The following SGCZ variants were observed in gnomAD, a reference collection of about 807,000 sequenced individuals.
SGCZ encodes sarcoglycan zeta.
Under a neutral mutation model 41.3 loss-of-function variants are expected in SGCZ, and 40 were observed. The observed-to-expected ratio is 0.97, with a 90% confidence interval of 0.75 to 1.26. The LOEUF (loss-of-function observed/expected upper bound fraction) is 1.26. Ranked by LOEUF, SGCZ falls within the 50% of genes most tolerant of loss-of-function variation. The pLI is 0.00. For missense variants in SGCZ, 552 were observed against 369.8 expected, an observed-to-expected ratio of 1.49 and a Z score of -4.04; for synonymous variants, 206 against 137.5, an observed-to-expected ratio of 1.50 and a Z score of -3.49.
chr8:14,403,987 T>G (rs753788793), intron 2 of SGCZ, among the ~76,000 whole-genome samples: 2 of 152,000 alleles, frequency 1.3e-5, no homozygotes, highest in Non-Finnish European at 2.9e-5. Context: ...ATAGAAACCA[T>G]GTATAAAGCC....
intron 2 of SGCZ, among the ~76,000 whole-genome samples, chr8:14,487,431 A>G (rs200382741): frequency 8.2e-6 from 1 of 121,616 alleles, no homozygotes; most frequent in Non-Finnish European, 1.8e-5. Flanking sequence ...TAGATACCAT[A>G]ACATTGCCTC....
At chr8:14,226,579 G>C (rs1231846215) in intron 4 of SGCZ, among the ~76,000 whole-genome samples, 1 of 152,056 alleles carries the variant, frequency 6.6e-6, no homozygotes, top group Non-Finnish European at 1.5e-5. Flanking sequence ...TGTTAACATA[G>C]CACAGTGCAT....
intron 2 of SGCZ, among the ~76,000 whole-genome samples, chr8:14,450,868 T>G (rs1258848398): frequency 6.6e-6 from 1 of 152,256 alleles, no homozygotes; most frequent in Non-Finnish European, 1.5e-5. Context: ...TCTTCAAGGA[T>G]ACTACAAAAG....
intron 2 of SGCZ, among the ~76,000 whole-genome samples, chr8:14,367,299 G>A (rs957168332): frequency 5.3e-5 from 8 of 152,022 alleles, no homozygotes; most frequent in Non-Finnish European, 1.2e-4. Flanking sequence ...TTTGGTCAAA[G>A]CCATTTGACA....
At chr8:14,949,811 GAAGT>G (rs1239159576) in intron 1 of SGCZ, among the ~76,000 whole-genome samples, 3 of 152,072 alleles carry the variant, frequency 2.0e-5, no homozygotes, top group African/African-American at 7.2e-5. Context: ...GATGAGAAAT[GAAGT>G]AATAAAGGTT....
At chr8:14,835,370 C>A (rs998648037) in intron 1 of SGCZ, among the ~76,000 whole-genome samples, 22 of 152,126 alleles carry the variant, frequency 1.4e-4, no homozygotes, top group African/African-American at 5.1e-4. Context: ...AAATGATGAC[C>A]TGAATATTTT....
intron 1 of SGCZ, among the ~76,000 whole-genome samples, chr8:15,171,869 G>A (rs1189073264): frequency 3.9e-5 from 6 of 151,996 alleles, no homozygotes; most frequent in Admixed American, 6.6e-5. Flanking sequence ...ATTGCCAAAC[G>A]AGCTGTCTTC....
At chr8:14,500,104 T>C (rs886920338) in intron 2 of SGCZ, among the ~76,000 whole-genome samples, 7 of 152,124 alleles carry the variant, frequency 4.6e-5, no homozygotes, top group Admixed American at 2.0e-4. Flanking sequence ...ATTCGCTAAT[T>C]GGTAACTCAC....
At chr8:14,655,912 A>G (rs1416856969) in intron 1 of SGCZ, among the ~76,000 whole-genome samples, 1 of 152,014 alleles carries the variant, frequency 6.6e-6, no homozygotes, top group Non-Finnish European at 1.5e-5. Context: ...TTTTATGGAG[A>G]GTCATCCAGA....
intron 2 of SGCZ, among the ~76,000 whole-genome samples, chr8:14,338,484 C>A (rs913591021): frequency 3.3e-5 from 5 of 152,106 alleles, no homozygotes; most frequent in Admixed American, 1.3e-4. Context: ...CAATATCCTG[C>A]TTGGGGGCAG....
rs894508987 is a variant in SGCZ at position 14,668,361 on chromosome 8, C to T, written c.40-113435G>A. 2.0e-5 allele frequency among the ~76,000 whole-genome samples: 3 copies of T among 152,292 alleles called. No homozygotes were observed. In the East Asian group the frequency reaches 5.8e-4, roughly 29 times the overall value. ...ATATGGTTTTTTCAGTCAAATCCTA[C>T]ACCTGACTTTATACTCCACTTCATT... On this transcript the variant is annotated intron_variant, in intron 1 of 7. Transcript: ENST00000382080.
At chr8:14,163,817 A>G (rs1014214982) in intron 5 of SGCZ, among the ~76,000 whole-genome samples, 5 of 152,142 alleles carry the variant, frequency 3.3e-5, no homozygotes, top group African/African-American at 4.8e-5. Flanking sequence ...GCTGTTTCCA[A>G]ACTCAAGTTT....
At chr8:14,149,457 A>T (rs1413412329) in intron 5 of SGCZ, among the ~76,000 whole-genome samples, 1 of 152,134 alleles carries the variant, frequency 6.6e-6, no homozygotes, top group Non-Finnish European at 1.5e-5. Flanking sequence ...CCTAGGAATT[A>T]ACCAATGGAG....
At chr8:14,190,482 TAGTG>T (rs1410859529) in intron 4 of SGCZ, among the ~76,000 whole-genome samples, 1 of 152,144 alleles carries the variant, frequency 6.6e-6, no homozygotes, top group African/African-American at 2.4e-5. Context: ...CACAATTCAA[TAGTG>T]AATACTGGTG....
intron 2 of SGCZ, among the ~76,000 whole-genome samples, chr8:14,534,750 A>G (rs79058779): frequency 0.093 from 14,214 of 152,022 alleles, 940 homozygotes; most frequent in East Asian, 0.33. Flanking sequence ...AGAAAGTACA[A>G]CTTTTATGTC....
chr8:14,100,552 T>G (rs940719702), intron 7 of SGCZ, among the ~76,000 whole-genome samples: 1 of 81,584 alleles, frequency 1.2e-5, no homozygotes, highest in African/African-American at 3.7e-5. Flanking sequence ...ATACATTAGA[T>G]TAATATATTA....
chr8:15,139,360 C>G (rs1489377513), intron 1 of SGCZ, among the ~76,000 whole-genome samples: 1 of 152,164 alleles, frequency 6.6e-6, no homozygotes, highest in Non-Finnish European at 1.5e-5. Context: ...ATACATCAAG[C>G]ACACTTTTTT....
At chr8:14,149,030 A>G (rs931840759) in intron 5 of SGCZ, among the ~76,000 whole-genome samples, 1 of 152,150 alleles carries the variant, frequency 6.6e-6, no homozygotes, top group East Asian at 1.9e-4. Context: ...TAGAAGGAAC[A>G]TACCTCAACA....
chr8:14,919,123 G>A (rs1402938466), intron 1 of SGCZ, among the ~76,000 whole-genome samples: 1 of 152,114 alleles, frequency 6.6e-6, no homozygotes, highest in African/African-American at 2.4e-5. Flanking sequence ...TCATATGTTA[G>A]TCATATTTAT....
Sources: allele counts gnomAD v4.1 joint callset (sites outside exome capture counted in the v4.1 genomes callset), GRCh38; gene constraint gnomAD v4.1.1; transcripts MANE v1.5; gene names NCBI Gene and HGNC (gene_info 2026-07-23, HGNC 2026-07-21).